GSG1L: variants seen among roughly 807,000 people sequenced by gnomAD.
GSG1L encodes the protein germ cell-specific gene 1-like protein.
In GSG1L, 24 loss-of-function variants were observed where a neutral mutation model predicts 42.1. That is an observed-to-expected ratio of 0.57 (90% CI 0.41 to 0.80). The LOEUF is 0.80. Among genes scored for constraint, GSG1L ranks in the 30% least tolerant of loss-of-function variants. The pLI, the probability that GSG1L is intolerant of heterozygous loss-of-function variation, is 0.00. For missense variants in GSG1L, 445 were observed against 472.2 expected, an observed-to-expected ratio of 0.94 and a Z score of 0.53; for synonymous variants, 215 against 203.5, an observed-to-expected ratio of 1.06 and a Z score of -0.48.
rs756685204 is a variant in GSG1L, at chr16:27,845,074, G to A, written c.551-13C>T. ...ATTCCCAGGAGGCCTGTGGGGCAGA[G>A]AGCAGAGCAAAGCGTCAGGAAGTAA... is the stretch of plus-strand genomic sequence containing the variant. On this transcript the variant is annotated splice_polypyrimidine_tract_variant and intron_variant, in intron 3 of 6. Coordinates refer to ENST00000447459, the MANE Select transcript of GSG1L (RefSeq NM_001109763.2). 4.4e-6 allele frequency: 7 copies of A among 1,585,638 alleles called. No individual in the cohort carries two copies. Among genetic ancestry groups the A allele is most frequent in the South Asian group, 1.1e-5 (1 of 89,868 alleles).
chr16:27,907,002 T>G (rs1307602985), intron 2 of GSG1L, among the ~76,000 whole-genome samples: 1 of 152,110 alleles, frequency 6.6e-6, no homozygotes, highest in Non-Finnish European at 1.5e-5. Context: ...TCTCAGCACT[T>G]GAGTATGGGG....
At chr16:27,960,114 C>A (rs1371204320) in intron 2 of GSG1L, among the ~76,000 whole-genome samples, 1 of 151,996 alleles carries the variant, frequency 6.6e-6, no homozygotes, top group East Asian at 1.9e-4. Context: ...TGAAATCATG[C>A]CTGCGGTTTG....
At chr16:27,948,908 C>CTATTATTATTATTATTATTGTTAT in intron 2 of GSG1L, among the ~76,000 whole-genome samples, 1 of 141,408 alleles carries the variant, frequency 7.1e-6, no homozygotes, top group Non-Finnish European at 1.5e-5. Flanking sequence ...CGCACCTGAT[C>CTATTATTATTATTATTATTGTTAT]TATTATTATT....
In GSG1L at chr16:27,967,624, G is replaced by T. The variant is rs146915749; in HGVS notation, c.350-4421C>A. The stretch of plus-strand genomic sequence containing the variant: ...CTGACAGCCAAGAACTAGAAGGAAG[G>T]ATTAAAATTAAAAAGTGTTGGTCAG... On this transcript the variant is annotated intron_variant, in intron 1 of 6. Coordinates refer to ENST00000447459, the MANE Select transcript of GSG1L (RefSeq NM_001109763.2). Among the ~76,000 whole-genome samples the T allele has an allele frequency of 3.3e-4, 50 of 152,300 alleles. No homozygotes were observed. The South Asian group carries it at 8.7e-3, about 26-fold the overall frequency.
chr16:27,801,829 C>A lies in GSG1L; in HGVS notation c.898+5658G>T, dbSNP rs144056119. ...TGTATTGAGTAAGCCATGGTCTTAA[C>A]CTCCTGGGCCTCCGTTTCCTCGTCT... On this transcript the variant is annotated intron_variant, in intron 6 of 6. Transcript: ENST00000447459. 3.4e-3 allele frequency among the ~76,000 whole-genome samples: 513 copies of A among 152,292 alleles called. 2 individuals are homozygous for A. Among genetic ancestry groups the A allele is most frequent in the African/African-American group, 0.012 (488 of 41,552 alleles).
At position 27,816,306 on chromosome 16, in the gene GSG1L, G is replaced by A. The variant is rs921725362; in HGVS notation, c.831-8752C>T. 1.2e-4 allele frequency among the ~76,000 whole-genome samples: 18 copies of A among 152,302 alleles called. No homozygotes were observed. In the East Asian group the frequency reaches 2.5e-3, roughly 21 times the overall value. ...GCAGAGGAAGGGCTTCAAAGGTATC[G>A]AAAACCTCTGGATTCAGGGCAGGCA... is the stretch of plus-strand genomic sequence containing the variant. On this transcript the variant is annotated intron_variant, in intron 5 of 6. Coordinates refer to ENST00000447459, the MANE Select transcript of GSG1L (RefSeq NM_001109763.2).
chr16:27,810,314 A>G (rs2083017111), intron 5 of GSG1L, among the ~76,000 whole-genome samples: 1 of 152,112 alleles, frequency 6.6e-6, no homozygotes, highest in African/African-American at 2.4e-5. Context: ...TCCCGTCTCT[A>G]CAAATACTAG....
chr16:27,843,905 A>G (rs557820666), intron 4 of GSG1L, among the ~76,000 whole-genome samples: 41 of 152,228 alleles, frequency 2.7e-4, no homozygotes, highest in Non-Finnish European at 5.0e-4. Context: ...ATCTTGGAGA[A>G]CAAGAGGCCC....
chr16:27,983,821 C>T (rs1358169175), intron 1 of GSG1L, among the ~76,000 whole-genome samples: 1 of 152,028 alleles, frequency 6.6e-6, no homozygotes, highest in Non-Finnish European at 1.5e-5. Flanking sequence ...AGATTGTGGC[C>T]CATGATTATC....
intron 1 of GSG1L, among the ~76,000 whole-genome samples, chr16:28,056,346 T>C (rs987725181): frequency 6.6e-6 from 1 of 151,722 alleles, no homozygotes; most frequent in Non-Finnish European, 1.5e-5. Context: ...CTGGAAACCA[T>C]CATTCTCAGC....
Position 27,791,435 on chromosome 16 carries a change from G to C in GSG1L, c.931C>G (p.Arg311Gly). Residue 311 changes from arginine (R) to glycine (G), a missense_variant, in exon 7 of 7, where the codon CGG becomes GGG. By Grantham distance (125) the Arg-to-Gly change is moderately radical. This residue lies in a region of GSG1L where 140 missense variants were observed against 120.6 expected (regional missense o/e 1.16). Coordinates refer to ENST00000447459, the MANE Select transcript of GSG1L (RefSeq NM_001109763.2). ...HQPHMADSWP[R>G]SSAQEAPELN... ...TCTGGTGCTTCCTGTGCGGAGCTCC[G>C]GGGCCAGGAATCCGCCATGTGTGGC... 1.3e-6 allele frequency: 2 copies of C among 1,516,082 alleles called. No homozygotes were observed. The allele number at this position is 1,516,082 out of a possible 1,614,324, so 93.9% of individuals were successfully genotyped here.
chr16:27,904,824 C>T lies in GSG1L; in HGVS notation c.398-20186G>A, dbSNP rs1268225344. ...GCACAGTCATAAATGGGGGTGAATG[C>T]TCTGCTTCCGTGTCAAGAAAAGCAC... On this transcript the variant is annotated intron_variant, in intron 2 of 6. Coordinates refer to ENST00000447459, the MANE Select transcript of GSG1L (RefSeq NM_001109763.2). Among the ~76,000 whole-genome samples the T allele has an allele frequency of 3.3e-5, 5 of 152,200 alleles. No homozygotes were observed. The East Asian group carries it at 9.6e-4, about 29-fold the overall frequency.
intron 6 of GSG1L, among the ~76,000 whole-genome samples, chr16:27,806,121 A>G (rs1428969436): frequency 6.6e-6 from 1 of 152,038 alleles, no homozygotes; most frequent in Admixed American, 6.5e-5. Flanking sequence ...GGAGTTCTCC[A>G]AACACATCCA....
chr16:27,849,150 A>G (rs1479422922), intron 3 of GSG1L, among the ~76,000 whole-genome samples: 1 of 149,980 alleles, frequency 6.7e-6, no homozygotes, highest in Non-Finnish European at 1.5e-5. Flanking sequence ...GTGAGGCAAG[A>G]TCATACCACT....
In GSG1L at chr16:28,063,531, C is replaced by T. The variant is rs1330412207; in HGVS notation, c.-107G>A. 3.1e-6 allele frequency: 2 copies of T among 644,730 alleles called. No homozygotes were observed. Among genetic ancestry groups the T allele is most frequent in the Non-Finnish European group, 4.0e-6 (2 of 500,360 alleles). The allele number at this position is 644,730 out of a possible 1,614,324, so 39.9% of individuals were successfully genotyped here. A position where few individuals can be genotyped will look rare whatever the true frequency, so the allele number is the denominator to read the frequency against. On this transcript the variant is annotated 5_prime_UTR_variant, in exon 1 of 7. Transcript: ENST00000447459. The surrounding 1 kb of genome is among the most constrained non-coding windows in gnomAD (Gnocchi z 5.8). ...CCGCTGCCCGCCGCGCCCCGGGGCT[C>T]GGGTGCCTGAGATCGGCGGCGGCGG...
intron 2 of GSG1L, among the ~76,000 whole-genome samples, chr16:27,940,480 T>C (rs1220566869): frequency 3.4e-5 from 5 of 144,942 alleles, no homozygotes; most frequent in Admixed American, 2.1e-4. Context: ...TAGACTGGAT[T>C]AAGAAAATGT....
chr16:27,866,305 A>C (rs1025485026), intron 3 of GSG1L, among the ~76,000 whole-genome samples: 5 of 152,238 alleles, frequency 3.3e-5, no homozygotes, highest in Non-Finnish European at 7.3e-5. Context: ...TGCTGCCACA[A>C]TATTACCAAT....
At chr16:27,903,148 C>T (rs1319868983) in intron 2 of GSG1L, among the ~76,000 whole-genome samples, 1 of 152,054 alleles carries the variant, frequency 6.6e-6, no homozygotes, top group Non-Finnish European at 1.5e-5. Flanking sequence ...GAACGAGACC[C>T]AGGGGGCGGG....
intron 4 of GSG1L, among the ~76,000 whole-genome samples, chr16:27,837,144 T>C (rs930270813): frequency 6.6e-6 from 1 of 152,166 alleles, no homozygotes; most frequent in Non-Finnish European, 1.5e-5. Flanking sequence ...CTTATAATCA[T>C]GGCAGAAGGT....
Sources: allele counts gnomAD v4.1 joint callset (sites outside exome capture counted in the v4.1 genomes callset), GRCh38; gene constraint gnomAD v4.1.1; regional missense constraint gnomAD v4.1.1; non-coding constraint Gnocchi (gnomAD v3.1); transcripts MANE v1.5; gene names NCBI Gene and HGNC (gene_info 2026-07-23, HGNC 2026-07-21).